VPS8: variants seen among roughly 807,000 people sequenced by gnomAD.
VPS8 encodes the protein VPS8 subunit of CORVET complex.
VPS8 carries 129 observed loss-of-function variants against 216.4 expected under a neutral mutation model. The ratio of observed to expected loss-of-function variants is 0.60; its 90% CI spans 0.52 to 0.69. VPS8 has a LOEUF of 0.69. VPS8 is among the 30% of genes least tolerant of loss of function. The pLI, the probability that VPS8 is intolerant of heterozygous loss-of-function variation, is 0.00. For missense variants in VPS8, 1,531 were observed against 1,683.5 expected (o/e 0.91, Z 1.59); for synonymous variants, 571 against 565.4 (o/e 1.01, Z -0.14).
intron 1 of VPS8, among the ~76,000 whole-genome samples, chr3:184,822,448 T>C (rs993100127): frequency 3.3e-5 from 5 of 152,152 alleles, no homozygotes; most frequent in Admixed American, 1.3e-4. Flanking sequence ...ACTCCAGATA[T>C]GAGATAAAAA....
At chr3:184,822,247 C>T (rs1717771703) in intron 1 of VPS8, among the ~76,000 whole-genome samples, 1 of 152,108 alleles carries the variant, frequency 6.6e-6, no homozygotes, top group East Asian at 1.9e-4. Context: ...GACTCTTTGG[C>T]TTGTGTTCTG....
At chr3:184,904,470 C>G (rs1347677582) in intron 25 of VPS8, among the ~76,000 whole-genome samples, 1 of 152,028 alleles carries the variant, frequency 6.6e-6, no homozygotes, top group Non-Finnish European at 1.5e-5. Flanking sequence ...TGGGTTTTGT[C>G]CTTTATTTTA....
At chr3:184,846,714 C>T (rs1287307200) in intron 8 of VPS8, among the ~76,000 whole-genome samples, 1 of 152,222 alleles carries the variant, frequency 6.6e-6, no homozygotes, top group Non-Finnish European at 1.5e-5. Flanking sequence ...CATACCAGCT[C>T]TATCTTTGTC....
intron 36 of VPS8, among the ~76,000 whole-genome samples, chr3:184,956,608 C>T (rs1745646095): frequency 6.6e-6 from 1 of 152,160 alleles, no homozygotes; most frequent in Non-Finnish European, 1.5e-5. Context: ...GAGGATGATT[C>T]TTAGGTCTCC....
intron 22 of VPS8, among the ~76,000 whole-genome samples, chr3:184,887,864 A>G (rs1046924126): frequency 8.5e-5 from 13 of 152,222 alleles, no homozygotes; most frequent in African/African-American, 2.9e-4. Context: ...TGATGAAGTC[A>G]TAGATAGCTA....
At chr3:184,940,024 A>G (rs1174033676) in intron 35 of VPS8, among the ~76,000 whole-genome samples, 173 bp from the exon 36 acceptor site, 2 of 152,148 alleles carry the variant, frequency 1.3e-5, no homozygotes, top group Non-Finnish European at 2.9e-5. Context: ...AATTATTGAG[A>G]AGACATAACC....
At chr3:185,014,884 C>G (rs1460774270) in intron 45 of VPS8, among the ~76,000 whole-genome samples, 2 of 152,180 alleles carry the variant, frequency 1.3e-5, no homozygotes, top group African/African-American at 2.4e-5. Flanking sequence ...ATGCCCATCA[C>G]CGCAAAACAC....
chr3:184,896,575 G>A (rs768507800), intron 23 of VPS8, among the ~76,000 whole-genome samples: 4 of 151,974 alleles, frequency 2.6e-5, no homozygotes, highest in African/African-American at 4.8e-5. Flanking sequence ...AGTCAACAAT[G>A]GCCTCTTTGT....
chr3:184,838,653 T>C lies in VPS8; in HGVS notation c.448-61T>C, dbSNP rs6765781. The C allele has an allele frequency of 6.9e-3, 9,484 of 1,372,088 alleles. 446 individuals carry two copies. The African/African-American group carries it at 0.11, about 17-fold the overall frequency. 85.0% of individuals were successfully genotyped at this position (1,372,088 alleles called of 1,614,324 possible). On this transcript the variant is annotated intron_variant, in intron 5 of 47. Transcript: ENST00000625842. The stretch of plus-strand genomic sequence containing the variant: ...AAGTATATGTAAAGCAAGAGCCATA[T>C]ACCATTTTCTGTTTTAAAATGAGAA...
chr3:184,888,242 C>G (rs1731664841), intron 22 of VPS8, among the ~76,000 whole-genome samples: 2 of 152,166 alleles, frequency 1.3e-5, no homozygotes, highest in African/African-American at 4.8e-5. Context: ...CCCGCCTCAG[C>G]CTCTCAGAGT....
chr3:184,831,730 G>A (rs1434205581), intron 3 of VPS8, among the ~76,000 whole-genome samples: 3 of 152,132 alleles, frequency 2.0e-5, no homozygotes, highest in Admixed American at 6.6e-5. Context: ...ATGGTAACCA[G>A]AGACGTTTGA....
At chr3:184,950,472 A>G (rs1453434184) in intron 36 of VPS8, among the ~76,000 whole-genome samples, 1 of 151,998 alleles carries the variant, frequency 6.6e-6, no homozygotes, top group Non-Finnish European at 1.5e-5. Context: ...AGACTGGCCT[A>G]TTTAGATACA....
intron 23 of VPS8, among the ~76,000 whole-genome samples, chr3:184,897,667 C>G (rs1376451208): frequency 6.6e-6 from 1 of 152,058 alleles, no homozygotes; most frequent in East Asian, 1.9e-4. Flanking sequence ...CAGGCTTTTT[C>G]TAGAAAGACT....
rs758192551 is a variant in VPS8 at position 184,866,986 on chromosome 3, G to T, written c.1470+36G>T. Reference sequence around the variant, plus strand: ...TTACTCTGTGAGTTGGTATTTGTATGTATCAGGGTAGTTGAGGCTGAAGGA... The same window carrying T: ...TTACTCTGTGAGTTGGTATTTGTATTTATCAGGGTAGTTGAGGCTGAAGGA... On this transcript the variant is annotated intron_variant, in intron 17 of 47. Transcript: ENST00000625842. The T allele has an allele frequency of 1.9e-6, 3 of 1,593,172 alleles. No individual in the cohort carries two copies. The East Asian group carries it at 6.7e-5, about 36-fold the overall frequency.
At chr3:184,979,098 A>G (rs1313011578) in intron 40 of VPS8, among the ~76,000 whole-genome samples, 2 of 151,520 alleles carry the variant, frequency 1.3e-5, no homozygotes, top group Non-Finnish European at 2.9e-5. Context: ...TTTTCATTTA[A>G]TTGCATGGTT....
intron 46 of VPS8, among the ~76,000 whole-genome samples, chr3:185,032,307 T>A (rs1440853022): frequency 1.3e-5 from 2 of 152,156 alleles, no homozygotes; most frequent in African/African-American, 4.8e-5. Flanking sequence ...TTCAGAAGAA[T>A]CATTGCAATA....
chr3:184,836,111 TA>T, intron 5 of VPS8: 1 of 361,046 alleles, frequency 2.8e-6, no homozygotes, highest in East Asian at 7.4e-5. Context: ...TTAGTGCAAA[TA>T]ACAACAACAA....
intron 22 of VPS8, among the ~76,000 whole-genome samples, chr3:184,889,469 A>G (rs1260579765): frequency 6.6e-6 from 1 of 152,058 alleles, no homozygotes; most frequent in Non-Finnish European, 1.5e-5. Context: ...GGTCAAGGCC[A>G]TGGACATTTT....
intron 31 of VPS8, among the ~76,000 whole-genome samples, chr3:184,926,885 C>T (rs1020276552): frequency 6.6e-6 from 1 of 152,064 alleles, no homozygotes; most frequent in South Asian, 2.1e-4. Flanking sequence ...TTGTATCTAC[C>T]GTGACATCAA....
Sources: gnomAD v4.1 joint callset for allele counts (sites outside exome capture counted in the v4.1 genomes callset) on GRCh38, gnomAD v4.1.1 for gene constraint, MANE v1.5 for transcripts, NCBI Gene and HGNC (gene_info 2026-07-23, HGNC 2026-07-21) for gene names.